Variants in CFAP20DC observed in about 807,000 individuals in gnomAD.
CFAP20DC encodes CFAP20 domain containing, also known as protein CFAP20DC.
In CFAP20DC, 84 loss-of-function variants were observed where a neutral mutation model predicts 101.7. That is an observed-to-expected ratio of 0.83 (90% CI 0.69 to 0.99). The LOEUF (loss-of-function observed/expected upper bound fraction) is 0.99, where lower values mean the gene tolerates loss of function less well. Among genes scored for constraint, CFAP20DC ranks in the 50% least tolerant of loss-of-function variants. The pLI is 0.00. For synonymous variants in CFAP20DC, 359 were observed against 351.2 expected, an observed-to-expected ratio of 1.02 and a Z score of -0.25; for missense variants, 1,007 against 970.3, an observed-to-expected ratio of 1.04 and a Z score of -0.50.
In CFAP20DC at chr3:58,732,394, T is replaced by C. The variant is rs2067662556; in HGVS notation, c.198-14766A>G. ...TTATGATAAAGTTGTAGATATTGTT[T>C]ATAGAATGTGATCAGGTGGCAGAGT... On this transcript the variant is annotated intron_variant, in intron 3 of 3. Coordinates refer to the CFAP20DC transcript ENST00000486145. The surrounding 1 kb of genome is among the most constrained non-coding windows in gnomAD (Gnocchi z 5.4). 6.6e-6 allele frequency among the ~76,000 whole-genome samples: 1 copy of C among 152,218 alleles called. No homozygotes were observed. Among genetic ancestry groups the C allele is most frequent in the Non-Finnish European group, 1.5e-5 (1 of 68,038 alleles).
intron 15 of CFAP20DC, among the ~76,000 whole-genome samples, chr3:58,776,682 A>G (rs1210230410): frequency 2.0e-5 from 3 of 150,630 alleles, no homozygotes; most frequent in African/African-American, 7.4e-5. Context: ...AAAAATATAC[A>G]TGTTAATTAA....
chr3:58,946,961 A>G (rs762565609), intron 4 of CFAP20DC, among the ~76,000 whole-genome samples: 2 of 152,214 alleles, frequency 1.3e-5, no homozygotes, highest in Non-Finnish European at 2.9e-5. Flanking sequence ...GAATATTTAC[A>G]TTTTACCAAT....
At chr3:58,716,637 G>A (rs552832330), downstream of CFAP20DC, among the ~76,000 whole-genome samples, 1 of 152,236 alleles carries the variant, frequency 6.6e-6, no homozygotes, top group African/African-American at 2.4e-5. Flanking sequence ...AACCCTAAAG[G>A]CCTGCACTGC....
intron 4 of CFAP20DC, among the ~76,000 whole-genome samples, chr3:58,950,456 A>C (rs569806790): frequency 1.1e-4 from 16 of 152,350 alleles, no homozygotes; most frequent in African/African-American, 3.1e-4. Flanking sequence ...TTGCCAAGTC[A>C]ATCCTAAGCC....
intron 15 of CFAP20DC, among the ~76,000 whole-genome samples, chr3:58,775,102 G>A (rs1358954821): frequency 6.6e-6 from 1 of 152,148 alleles, no homozygotes; most frequent in African/African-American, 2.4e-5. Flanking sequence ...TGTGTCCAAG[G>A]TGGTCGGGGC....
intron 7 of CFAP20DC, among the ~76,000 whole-genome samples, chr3:58,883,846 T>C (rs2081398892): frequency 6.6e-6 from 1 of 152,180 alleles, no homozygotes; most frequent in Non-Finnish European, 1.5e-5. Flanking sequence ...GATTCTAACA[T>C]ATAGGTAGTT....
In CFAP20DC at chr3:58,884,799, G is replaced by T. The variant is rs895418392; in HGVS notation, c.551-90C>A. 21 of 1,083,222 alleles carry T rather than the reference G, an allele frequency of 1.9e-5. No individual in the cohort carries two copies. The African/African-American group carries it at 2.7e-4, about 14-fold the overall frequency. 67.1% of individuals were successfully genotyped at this position (1,083,222 alleles called of 1,614,324 possible). A position where few individuals can be genotyped will look rare whatever the true frequency, so the allele number is the denominator to read the frequency against. ...ATAAATGAAATCAATTAAAATTAAA[G>T]ATTTTAGCGTATGACTTTGTACGAG... On this transcript the variant is annotated intron_variant, in intron 6 of 16. Coordinates refer to ENST00000482387, the MANE Select transcript of CFAP20DC (RefSeq NM_001394063.1).
chr3:58,873,779 G>T (rs954392913), intron 7 of CFAP20DC, among the ~76,000 whole-genome samples: 3 of 152,028 alleles, frequency 2.0e-5, no homozygotes, highest in African/African-American at 7.2e-5. Flanking sequence ...TCTAGATGTT[G>T]TCAGGCAGGC....
At chr3:58,764,412 T>C (rs2070056247) in intron 15 of CFAP20DC, among the ~76,000 whole-genome samples, 1 of 152,174 alleles carries the variant, frequency 6.6e-6, no homozygotes, top group Non-Finnish European at 1.5e-5. Flanking sequence ...GGGAGTGACC[T>C]GATCTTCCAG....
At chr3:58,991,948 T>C (rs2092953211) in intron 4 of CFAP20DC, among the ~76,000 whole-genome samples, 1 of 152,232 alleles carries the variant, frequency 6.6e-6, no homozygotes, top group Admixed American at 6.5e-5. Flanking sequence ...GTTCAAAATG[T>C]TACTGATTTA....
At chr3:58,925,765 C>T (rs1285849304) in intron 5 of CFAP20DC, among the ~76,000 whole-genome samples, 1 of 152,178 alleles carries the variant, frequency 6.6e-6, no homozygotes, top group African/African-American at 2.4e-5. Context: ...GAGAGATCAA[C>T]TGATTTGCTC....
intron 14 of CFAP20DC, among the ~76,000 whole-genome samples, chr3:58,821,599 C>T (rs1244755635): frequency 1.3e-5 from 2 of 149,570 alleles, no homozygotes; most frequent in African/African-American, 4.9e-5. Context: ...TATGAGATAC[C>T]ATCTCACACC....
chr3:59,035,918 C>A (rs1324663814), intron 4 of CFAP20DC, among the ~76,000 whole-genome samples: 1 of 152,140 alleles, frequency 6.6e-6, no homozygotes, highest in Non-Finnish European at 1.5e-5. Flanking sequence ...AGGCCAATAT[C>A]CCTGATGAAC....
chr3:58,898,476 G>T (rs1157886765), intron 6 of CFAP20DC, among the ~76,000 whole-genome samples: 1 of 152,148 alleles, frequency 6.6e-6, no homozygotes, highest in Non-Finnish European at 1.5e-5. Flanking sequence ...TAACTGGCCT[G>T]CTATTGATAC....
At chr3:59,049,516 G>A (rs1481259638) in intron 1 of CFAP20DC, 95 bp downstream of exon 1, 9 of 1,136,956 alleles carry the variant, frequency 7.9e-6, no homozygotes, top group Non-Finnish European at 1.2e-5. Context: ...CCTTATTATG[G>A]GGATAGAGGG....
intron 5 of CFAP20DC, among the ~76,000 whole-genome samples, chr3:58,930,484 G>A (rs1052148023): frequency 4.6e-5 from 7 of 152,152 alleles, no homozygotes; most frequent in Admixed American, 4.6e-4. Context: ...GACGGTACAT[G>A]GGTGTGGCAT....
At chr3:58,927,503 C>G (rs954790230) in intron 5 of CFAP20DC, among the ~76,000 whole-genome samples, 3 of 152,126 alleles carry the variant, frequency 2.0e-5, no homozygotes, top group Non-Finnish European at 4.4e-5. Context: ...AGAAGTGTGC[C>G]ATTACTACTT....
chr3:58,956,490 G>GT (rs1490455636), intron 4 of CFAP20DC, among the ~76,000 whole-genome samples: 1 of 152,102 alleles, frequency 6.6e-6, no homozygotes, highest in Non-Finnish European at 1.5e-5. Context: ...ACATCTTGTG[G>GT]TTTGAGTGCC....
At chr3:59,043,427 C>A (rs946499847) in intron 3 of CFAP20DC, among the ~76,000 whole-genome samples, 2 of 151,820 alleles carry the variant, frequency 1.3e-5, no homozygotes, top group Non-Finnish European at 1.5e-5. Context: ...AACTGTCCAC[C>A]GGATTCAGGA....
Sources: allele counts gnomAD v4.1 joint callset (sites outside exome capture counted in the v4.1 genomes callset), GRCh38; gene constraint gnomAD v4.1.1; non-coding constraint Gnocchi (gnomAD v3.1); transcripts MANE v1.5; gene names NCBI Gene and HGNC (gene_info 2026-07-23, HGNC 2026-07-21).